Variants in CACNA1D observed in about 807,000 individuals in gnomAD.
CACNA1D encodes the protein calcium voltage-gated channel subunit alpha1 D.
Under a neutral mutation model 257.1 loss-of-function variants are expected in CACNA1D, and 55 were observed. The observed-to-expected ratio is 0.21, with a 90% confidence interval of 0.17 to 0.27. CACNA1D has a LOEUF of 0.27. CACNA1D is among the 10% of genes least tolerant of loss of function. The pLI is 1.00. For synonymous variants in CACNA1D, 980 were observed against 1,014.9 expected, an observed-to-expected ratio of 0.97 and a Z score of 0.65; for missense variants, 1,876 against 2,784.0, an observed-to-expected ratio of 0.67 and a Z score of 7.34.
chr3:53,672,947 G>C, intron 7 of CACNA1D, 76 bp from the exon 8 acceptor site: 1 of 905,908 alleles, frequency 1.1e-6, no homozygotes, highest in Non-Finnish European at 1.8e-6. Flanking sequence ...ATAGAATGCT[G>C]TCTCTAATGT....
intron 20 of CACNA1D, among the ~76,000 whole-genome samples, chr3:53,735,959 C>T (rs1005005932): frequency 6.6e-6 from 1 of 152,060 alleles, no homozygotes; most frequent in Admixed American, 6.5e-5. Flanking sequence ...GTCGTGTAGA[C>T]TTAAATACAC....
intron 3 of CACNA1D, among the ~76,000 whole-genome samples, chr3:53,560,655 G>A (rs1258028992): frequency 3.3e-5 from 5 of 152,284 alleles, no homozygotes; most frequent in African/African-American, 7.2e-5. Flanking sequence ...AAGCAACCAC[G>A]AACAATACAT....
chr3:53,676,649 CTG>C (rs2094379973), intron 8 of CACNA1D, among the ~76,000 whole-genome samples: 1 of 152,224 alleles, frequency 6.6e-6, no homozygotes. Context: ...ATACCTGTAT[CTG>C]TTTTTGCTCC....
chr3:53,673,743 T>C lies in CACNA1D; in HGVS notation c.1220+617T>C, dbSNP rs1314104083. 6.2e-6 allele frequency: 10 copies of C among 1,613,470 alleles called. No individual in the cohort carries two copies. Among genetic ancestry groups the C allele is most frequent in the Non-Finnish European group, 8.5e-6 (10 of 1,179,404 alleles). Reference sequence around the variant, plus strand: ...TGATGCGATAGGATGGGAATGGCCATGGGTGTATTTTGTTAGTCTGATCAT... The same window carrying C: ...TGATGCGATAGGATGGGAATGGCCACGGGTGTATTTTGTTAGTCTGATCAT... On this transcript the variant is annotated intron_variant, in intron 8 of 47. Transcript: ENST00000350061. The surrounding 1 kb of genome is among the most constrained non-coding windows in gnomAD (Gnocchi z 4.1).
intron 47 of CACNA1D, 114 bp downstream of exon 47, chr3:53,810,412 CTCAA>C (rs997241500): frequency 1.0e-4 from 99 of 968,864 alleles, no homozygotes; most frequent in South Asian, 1.8e-4. Flanking sequence ...GCTAGGCTGC[CTCAA>C]TCAGACACTT....
chr3:53,604,568 A>G (rs1463888890), intron 3 of CACNA1D, among the ~76,000 whole-genome samples: 3 of 148,424 alleles, frequency 2.0e-5, no homozygotes, highest in Non-Finnish European at 3.0e-5. Flanking sequence ...TAGCCATGGG[A>G]CCAACATCTA....
chr3:53,751,714 C>T lies in CACNA1D; in HGVS notation c.3517-35C>T. 1 of 1,613,350 alleles carries T rather than the reference C, an allele frequency of 6.2e-7. No homozygotes were observed. The highest frequency in any genetic ancestry group is 8.5e-7 in the Non-Finnish European group (1 of 1,179,352). ...GGGGTCCTCCTTCCCTGCAAGTGCT[C>T]AGAACCCCGTTTCTGCCCTTTTCTG... is the stretch of plus-strand genomic sequence containing the variant. On this transcript the variant is annotated intron_variant, in intron 27 of 47. Transcript: ENST00000350061. This position sits in a 1 kb window ranked among gnomAD's most constrained non-coding sequence, Gnocchi z 4.3.
At chr3:53,522,152 C>A (rs865856595) in intron 3 of CACNA1D, among the ~76,000 whole-genome samples, 18 of 152,150 alleles carry the variant, frequency 1.2e-4, no homozygotes, top group Middle Eastern at 3.4e-3. Flanking sequence ...AACCACATTT[C>A]CATTGTTCCT....
intron 28 of CACNA1D, among the ~76,000 whole-genome samples, chr3:53,752,927 G>A (rs1256810334): frequency 3.3e-5 from 5 of 152,160 alleles, no homozygotes; most frequent in South Asian, 2.1e-4. Context: ...TATTAACAGC[G>A]AATGTTTTCA....
intron 22 of CACNA1D, among the ~76,000 whole-genome samples, chr3:53,743,591 A>C (rs1243059179): frequency 2.6e-5 from 4 of 152,142 alleles, no homozygotes; most frequent in African/African-American, 9.7e-5. Context: ...TGGCCTCAAA[A>C]TTTTTCAGCT....
rs2095603840 is a variant in CACNA1D at position 53,812,280 on chromosome 3, C to T, written c.*874C>T. ...GGGTCCTAATAATTGTAGTTCCCCACTAAAATCTAGAAATTATTAGTATTT... is the reference window on the plus strand; with the variant it reads ...GGGTCCTAATAATTGTAGTTCCCCATTAAAATCTAGAAATTATTAGTATTT... On this transcript the variant is annotated 3_prime_UTR_variant, in exon 48 of 48. Coordinates refer to ENST00000350061, the MANE Select transcript of CACNA1D (RefSeq NM_001128840.3). 6.6e-6 allele frequency: 1 copy of T among 152,180 alleles called. No homozygotes were observed. The highest frequency in any genetic ancestry group is 6.5e-5 in the Admixed American group (1 of 15,284). 9.4% of individuals were successfully genotyped at this position (152,180 alleles called of 1,614,324 possible).
At chr3:53,718,830 C>T in intron 10 of CACNA1D, 1 of 1,171,432 alleles carries the variant, frequency 8.5e-7, no homozygotes, top group Non-Finnish European at 1.2e-6. Flanking sequence ...CTAGAATGTG[C>T]TACGTATTTA....
At position 53,811,320 on chromosome 3, in the gene CACNA1D, G is replaced by C. The variant is rs1430434688; in HGVS notation, c.6400G>C (p.Gly2134Arg). The change falls in exon 48 of 48, where the codon GGT becomes CGT. Residue 2134 changes from glycine to arginine, a missense_variant. This residue lies in a region of CACNA1D where 491 missense variants were observed against 554.3 expected (regional missense o/e 0.89). Coordinates refer to ENST00000350061, the MANE Select transcript of CACNA1D (RefSeq NM_001128840.3). The surrounding 1 kb of genome is among the most constrained non-coding windows in gnomAD (Gnocchi z 4.2). The stretch of plus-strand genomic sequence containing the variant: ...GCAGGACTATGAGCTACAGGACTTT[G>C]GTCCTGGCTACAGCGACGAAGAGCC... ...HRQDYELQDF[G>R]PGYSDEEPDP... The C allele has an allele frequency of 6.2e-7, 1 of 1,610,984 alleles. No homozygotes were observed. Among genetic ancestry groups the C allele is most frequent in the Non-Finnish European group, 8.5e-7 (1 of 1,177,778 alleles).
At chr3:53,753,526 A>G (rs1001765007) in intron 28 of CACNA1D, 46 bp from the exon 29 acceptor site, 11 of 1,250,654 alleles carry the variant, frequency 8.8e-6, no homozygotes, top group Non-Finnish European at 1.2e-5. Flanking sequence ...AGCATGTGAG[A>G]TCGTGGCTGA....
intron 17 of CACNA1D, 104 bp downstream of exon 17, chr3:53,731,250 G>A (rs2108763220): frequency 2.4e-6 from 2 of 820,346 alleles, no homozygotes; most frequent in East Asian, 2.6e-5. Context: ...TATCATTCTT[G>A]TAATATTTTG....
At chr3:53,705,511 A>C (rs761059068) in intron 9 of CACNA1D, among the ~76,000 whole-genome samples, 1 of 152,144 alleles carries the variant, frequency 6.6e-6, no homozygotes, top group Non-Finnish European at 1.5e-5. Context: ...TGTGACTCAA[A>C]ATGATTAACT....
intron 3 of CACNA1D, among the ~76,000 whole-genome samples, chr3:53,634,509 GGT>G (rs1239087948): frequency 6.6e-6 from 1 of 152,098 alleles, no homozygotes; most frequent in African/African-American, 2.4e-5. Flanking sequence ...GGTGTGAATG[GGT>G]GTGTGTGTGC....
intron 3 of CACNA1D, among the ~76,000 whole-genome samples, chr3:53,605,314 G>T (rs1246199930): frequency 6.6e-6 from 1 of 152,142 alleles, no homozygotes; most frequent in Non-Finnish European, 1.5e-5. Context: ...TCATTTTCTG[G>T]CCCCTCAAAG....
chr3:53,531,375 T>C (rs2091944580), intron 3 of CACNA1D, among the ~76,000 whole-genome samples: 1 of 144,514 alleles, frequency 6.9e-6, no homozygotes, highest in African/African-American at 2.5e-5. Flanking sequence ...TGATATAGAA[T>C]AGAGACTTAA....
Sources: gnomAD v4.1 joint callset for allele counts (sites outside exome capture counted in the v4.1 genomes callset) on GRCh38, gnomAD v4.1.1 for gene constraint, gnomAD v4.1.1 regional missense constraint, Gnocchi (gnomAD v3.1) non-coding constraint, MANE v1.5 for transcripts, NCBI Gene and HGNC (gene_info 2026-07-23, HGNC 2026-07-21) for gene names.